MCC: variants seen among roughly 807,000 people sequenced by gnomAD.
MCC encodes colorectal mutant cancer protein.
Under a neutral mutation model 116.2 loss-of-function variants are expected in MCC, and 90 were observed. The ratio of observed to expected loss-of-function variants is 0.77; its 90% confidence interval spans 0.65 to 0.92. The LOEUF is 0.92. MCC is among the 40% of genes least tolerant of loss of function. The probability of loss-of-function intolerance (pLI) is 0.00; values close to 1 mark genes in which losing one functional copy is unlikely to be tolerated. For missense variants in MCC, 1,516 were observed against 1,312.2 expected, an observed-to-expected ratio of 1.16 and a Z score of -2.40; for synonymous variants, 578 against 510.5, an observed-to-expected ratio of 1.13 and a Z score of -1.78.
intron 5 of MCC, among the ~76,000 whole-genome samples, chr5:113,129,704 C>T (rs1415187046): frequency 6.6e-6 from 1 of 152,218 alleles, no homozygotes. Flanking sequence ...CAAAAGAAGA[C>T]ATTTATGCAG....
In MCC at chr5:113,399,140, T is replaced by C. The variant is rs114089023; in HGVS notation, c.171-13928A>G. On this transcript the variant is annotated intron_variant, in intron 1 of 18. Transcript: ENST00000408903. ...GGAAAAAATAAAATAGTCTACAATA[T>C]CTTCAAATAGCTTCAGGCAATAGTA... is the stretch of plus-strand genomic sequence containing the variant. Among the ~76,000 whole-genome samples, 895 of 152,326 alleles carry C rather than the reference T, an allele frequency of 5.9e-3. 5 individuals are homozygous for C. The highest frequency in any genetic ancestry group is 0.01 in the Non-Finnish European group (700 of 68,026).
chr5:113,092,031 G>A (rs978927924), intron 8 of MCC, among the ~76,000 whole-genome samples: 2 of 152,160 alleles, frequency 1.3e-5, no homozygotes, highest in African/African-American at 2.4e-5. Context: ...GACTGACACA[G>A]TCTCAATAAA....
intron 3 of MCC, among the ~76,000 whole-genome samples, chr5:113,232,278 G>A (rs1047454210): frequency 3.3e-5 from 5 of 152,156 alleles, no homozygotes. Context: ...TCCATTTAAT[G>A]TAGTATGGTT....
rs932027992 is a variant in MCC, at chr5:113,025,208, T to C, written c.*2094A>G. The C allele has an allele frequency of 4.0e-4, 61 of 152,010 alleles. No individual in the cohort carries two copies. Among genetic ancestry groups the C allele is most frequent in the African/African-American group, 1.4e-3 (60 of 41,498 alleles). 9.4% of individuals were successfully genotyped at this position (152,010 alleles called of 1,614,324 possible). On this transcript the variant is annotated 3_prime_UTR_variant, in exon 19 of 19. Transcript: ENST00000408903. ...ATCCCACTTTGCTCAGGGGAGGACG[T>C]TTCCCTAGGCAAGCTGGAAAAATAG...
In MCC at chr5:113,392,277, C is replaced by T. The variant is rs186074116; in HGVS notation, c.171-7065G>A. Among the ~76,000 whole-genome samples the T allele has an allele frequency of 4.9e-4, 75 of 152,012 alleles. No individual in the cohort carries two copies. In the East Asian group the frequency reaches 0.012, roughly 25 times the overall value. On this transcript the variant is annotated intron_variant, in intron 1 of 18. Transcript: ENST00000408903. ...AAAAGTAAGAAAAATGGGCAAATGACGTGAACAGTCAACAGAAAAGAAAAC... is the reference window on the plus strand; with the variant it reads ...AAAAGTAAGAAAAATGGGCAAATGATGTGAACAGTCAACAGAAAAGAAAAC...
chr5:113,210,005 T>C (rs1056870044), intron 3 of MCC, among the ~76,000 whole-genome samples: 3 of 152,204 alleles, frequency 2.0e-5, no homozygotes, highest in Non-Finnish European at 2.9e-5. Context: ...TGATATGGTC[T>C]CCACCTGACT....
intron 16 of MCC, chr5:113,044,333 C>T (rs889897994): frequency 1.4e-5 from 3 of 222,092 alleles, no homozygotes; most frequent in African/African-American, 7.0e-5. Flanking sequence ...TCCCACCCTG[C>T]AGATGAGGAA....
At chr5:113,355,449 C>T (rs1472849075) in intron 2 of MCC, among the ~76,000 whole-genome samples, 1 of 152,152 alleles carries the variant, frequency 6.6e-6, no homozygotes, top group Non-Finnish European at 1.5e-5. Flanking sequence ...TCTTCTTATG[C>T]TGGTTTTGCT....
chr5:113,485,343 C>T lies in MCC; in HGVS notation c.170+2902G>A, dbSNP rs991639701. Among the ~76,000 whole-genome samples the T allele has an allele frequency of 5.3e-5, 8 of 152,164 alleles. No individual in the cohort carries two copies. In the South Asian group the frequency reaches 1.0e-3, roughly 20 times the overall value. On this transcript the variant is annotated intron_variant, in intron 1 of 18. Transcript: ENST00000408903. ...TGGGGGGTTTATTATAGGTATTAACCGCTACTTGCCCACCCAATATCTATT... is the reference window on the plus strand; with the variant it reads ...TGGGGGGTTTATTATAGGTATTAACTGCTACTTGCCCACCCAATATCTATT...
chr5:113,466,922 C>G (rs1771925974), intron 1 of MCC, among the ~76,000 whole-genome samples: 1 of 152,240 alleles, frequency 6.6e-6, no homozygotes, highest in South Asian at 2.1e-4. Context: ...ATTTGCATTT[C>G]TCTGATGGCC....
intron 6 of MCC, among the ~76,000 whole-genome samples, chr5:113,108,971 C>T (rs1271355240): frequency 6.6e-6 from 1 of 152,124 alleles, no homozygotes; most frequent in Non-Finnish European, 1.5e-5. Flanking sequence ...CACAGGAGGA[C>T]GAGGAGACTG....
intron 5 of MCC, among the ~76,000 whole-genome samples, chr5:113,134,091 T>G (rs527286992): frequency 1.4e-4 from 21 of 152,352 alleles, no homozygotes; most frequent in African/African-American, 5.1e-4. Context: ...GTAATCCCAT[T>G]TGTATAGTTT....
At chr5:113,315,668 T>C (rs1329507840) in intron 3 of MCC, among the ~76,000 whole-genome samples, 2 of 120,236 alleles carry the variant, frequency 1.7e-5, no homozygotes, top group African/African-American at 3.3e-5. Flanking sequence ...AGGAGTTCAA[T>C]ATCAGCCTGG....
chr5:113,146,046 A>G (rs974761202), intron 4 of MCC, among the ~76,000 whole-genome samples: 4 of 152,238 alleles, frequency 2.6e-5, no homozygotes, highest in African/African-American at 9.6e-5. Flanking sequence ...ACAAGAATAT[A>G]TTAGAGGAAA....
In MCC at chr5:113,024,265, A is replaced by G. The variant is rs1227891298; in HGVS notation, c.*3037T>C. On this transcript the variant is annotated 3_prime_UTR_variant, in exon 19 of 19. Coordinates refer to ENST00000408903, the MANE Select transcript of MCC (RefSeq NM_001085377.2). ...AACATTTGTTTCAGGCAGCATGGAT[A>G]TTAACTTCAGAACGCTGACAAGCCA... 6.6e-6 allele frequency: 1 copy of G among 152,244 alleles called. No homozygotes were observed. Among genetic ancestry groups the G allele is most frequent in the African/African-American group, 2.4e-5 (1 of 41,470 alleles). 9.4% of individuals were successfully genotyped at this position (152,244 alleles called of 1,614,324 possible).
At chr5:113,298,882 G>T (rs1766778082) in intron 3 of MCC, among the ~76,000 whole-genome samples, 1 of 152,180 alleles carries the variant, frequency 6.6e-6, no homozygotes, top group Admixed American at 6.5e-5. Flanking sequence ...CTGACTCAAG[G>T]AAAGTTAGAC....
chr5:113,083,105 C>T lies in MCC; in HGVS notation c.1636-97G>A, dbSNP rs112221046. On this transcript the variant is annotated intron_variant, in intron 10 of 18. Coordinates refer to ENST00000408903, the MANE Select transcript of MCC (RefSeq NM_001085377.2). ...TTTAAAGCTGATATTCCGTGAGAAT[C>T]GGGGACTGGGAGGATGGTTACCCTG... 1.7e-5 allele frequency: 21 copies of T among 1,209,394 alleles called. 1 individual carries two copies. The highest frequency in any genetic ancestry group is 1.7e-4 in the South Asian group (11 of 65,448). The allele number at this position is 1,209,394 out of a possible 1,614,324, so 74.9% of individuals were successfully genotyped here.
rs763016050 is a variant in MCC, at chr5:113,340,597, A to C, written c.549T>G (p.Ala183=). 5.9e-5 allele frequency: 96 copies of C among 1,614,080 alleles called. No homozygotes were observed. In the Admixed American group the frequency reaches 1.6e-3, roughly 26 times the overall value. Residue 183 remains alanine, a synonymous_variant, in exon 3 of 19, where the codon GCT becomes GCG. Coordinates refer to ENST00000408903, the MANE Select transcript of MCC (RefSeq NM_001085377.2). ...ACTGTGTGAGCAGTTTGTGGAGAGCAGCCTGCTGATGCAAAGAGCTTCCGC... is the reference window on the plus strand; with the variant it reads ...ACTGTGTGAGCAGTTTGTGGAGAGCCGCCTGCTGATGCAAAGAGCTTCCGC... The part of the protein sequence containing the change: ...EYGGSSLHQQ[A]ALHKLLTQSP...
At chr5:113,251,437 C>G (rs901166997) in intron 3 of MCC, among the ~76,000 whole-genome samples, 1 of 152,174 alleles carries the variant, frequency 6.6e-6, no homozygotes, top group Admixed American at 6.5e-5. Context: ...AGTTGGAAAT[C>G]TCTTGCAGTG....
Sources: gnomAD v4.1 joint callset for allele counts (sites outside exome capture counted in the v4.1 genomes callset) on GRCh38, gnomAD v4.1.1 for gene constraint, MANE v1.5 for transcripts, NCBI Gene and HGNC (gene_info 2026-07-23, HGNC 2026-07-21) for gene names.